KDM4C: variants seen among roughly 807,000 people sequenced by gnomAD.
KDM4C encodes the protein lysine-specific demethylase 4C.
Under a neutral mutation model 129.3 loss-of-function variants are expected in KDM4C, and 81 were observed. That is an observed-to-expected ratio of 0.63 (90% CI 0.52 to 0.75). KDM4C has a LOEUF of 0.75. KDM4C is among the 30% of genes least tolerant of loss of function. The pLI is 0.00. For synonymous variants in KDM4C, 573 were observed against 456.1 expected (o/e 1.26, Z -3.26); for missense variants, 1,457 against 1,304.0 (o/e 1.12, Z -1.81).
chr9:7,060,687 G>C (rs1366365692), intron 17 of KDM4C, among the ~76,000 whole-genome samples: 1 of 151,882 alleles, frequency 6.6e-6, no homozygotes, highest in Non-Finnish European at 1.5e-5. Context: ...TCACCATGTT[G>C]GCCAGGATGG....
intron 5 of KDM4C, among the ~76,000 whole-genome samples, chr9:6,854,980 G>A (rs769239319): frequency 1.3e-5 from 2 of 152,150 alleles, no homozygotes; most frequent in Non-Finnish European, 2.9e-5. Flanking sequence ...CACCCACCTT[G>A]TAAGGCAATT....
intron 1 of KDM4C, among the ~76,000 whole-genome samples, chr9:6,751,373 G>C (rs1563927917): frequency 3.3e-5 from 5 of 152,152 alleles, no homozygotes; most frequent in African/African-American, 9.7e-5. Flanking sequence ...TTGAGCCTGG[G>C]AGGTGGAGGT....
chr9:6,794,088 C>G (rs1169249872), intron 2 of KDM4C, among the ~76,000 whole-genome samples: 1 of 152,212 alleles, frequency 6.6e-6, no homozygotes, highest in African/African-American at 2.4e-5. Flanking sequence ...CTTATTCTCT[C>G]TCTACATTTG....
rs1267205724 is a variant in KDM4C at position 6,758,100 on chromosome 9, T to C, written c.-121T>C. The C allele has an allele frequency of 6.1e-6, 6 of 985,408 alleles. 1 individual carries two copies. In the African/African-American group the frequency reaches 1.0e-4, roughly 17 times the overall value. The allele number at this position is 985,408 out of a possible 1,614,324, so 61.0% of individuals were successfully genotyped here. On this transcript the variant is annotated 5_prime_UTR_variant, in exon 1 of 22. Transcript: ENST00000381309. This position sits in a 1 kb window ranked among gnomAD's most constrained non-coding sequence, Gnocchi z 4.6. ...TGCGCAGCGAACAGCTGTCACCTAG[T>C]GCGGAACAAGTCTCCCAAATTTCCC...
chr9:6,858,937 C>T (rs148697512), intron 5 of KDM4C, among the ~76,000 whole-genome samples: 1 of 151,496 alleles, frequency 6.6e-6, no homozygotes, highest in Non-Finnish European at 1.5e-5. Flanking sequence ...ATTTGTTATG[C>T]AAAAATTGTT....
intron 3 of KDM4C, among the ~76,000 whole-genome samples, chr9:6,806,906 C>G (rs1057413232): frequency 6.6e-6 from 1 of 151,716 alleles, no homozygotes; most frequent in African/African-American, 2.4e-5. Flanking sequence ...CTCTCCCTCT[C>G]CCTCTCCCTC....
rs562694725 is a variant in KDM4C, at chr9:7,060,868, A to G, written c.2424+11668A>G. Among the ~76,000 whole-genome samples, 90 of 152,214 alleles carry G rather than the reference A, an allele frequency of 5.9e-4. No homozygotes were observed. The South Asian group carries it at 9.5e-3, about 16-fold the overall frequency. On this transcript the variant is annotated intron_variant, in intron 17 of 21. Coordinates refer to ENST00000381309, the MANE Select transcript of KDM4C (RefSeq NM_015061.6). Reference sequence around the variant, plus strand: ...TTTAGATTGTTTAGAGATGGTTTACATTGTCAAGTCCTTCTGCAGGTTATA... The same window carrying G: ...TTTAGATTGTTTAGAGATGGTTTACGTTGTCAAGTCCTTCTGCAGGTTATA...
At chr9:7,139,495 A>C (rs1841532591) in intron 19 of KDM4C, among the ~76,000 whole-genome samples, 1 of 152,230 alleles carries the variant, frequency 6.6e-6, no homozygotes, top group African/African-American at 2.4e-5. Flanking sequence ...CTATAAGAGA[A>C]CTATGGAAAG....
At chr9:6,789,976 T>C (rs1826214307) in intron 1 of KDM4C, among the ~76,000 whole-genome samples, 1 of 151,794 alleles carries the variant, frequency 6.6e-6, no homozygotes. Flanking sequence ...AGATAGATGC[T>C]CATTTAAACT....
chr9:6,851,781 G>A (rs1406812778), intron 5 of KDM4C, among the ~76,000 whole-genome samples: 1 of 152,142 alleles, frequency 6.6e-6, no homozygotes, highest in Non-Finnish European at 1.5e-5. Flanking sequence ...GATCACTTCA[G>A]GAAGAATATT....
chr9:6,835,894 G>A (rs1254129027), intron 4 of KDM4C, among the ~76,000 whole-genome samples: 2 of 152,094 alleles, frequency 1.3e-5, no homozygotes, highest in Non-Finnish European at 2.9e-5. Context: ...AAAGCCACCC[G>A]ACTTGTGTCT....
chr9:7,034,036 G>A (rs115389614), intron 15 of KDM4C, among the ~76,000 whole-genome samples: 47 of 151,886 alleles, frequency 3.1e-4, no homozygotes, highest in African/African-American at 9.4e-4. Context: ...GTGGTGGTGG[G>A]GCATCAGTTG....
intron 1 of KDM4C, among the ~76,000 whole-genome samples, chr9:6,721,586 C>CTTT (rs59463106): frequency 7.9e-6 from 1 of 127,242 alleles, no homozygotes. Context: ...GCCCGGCCCT[C>CTTT]TTTTTTTTTT....
intron 12 of KDM4C, among the ~76,000 whole-genome samples, chr9:7,000,647 A>C (rs980423745): frequency 6.6e-6 from 1 of 152,216 alleles, no homozygotes. Context: ...TATATATGAA[A>C]TTGTCAATAT....
At chr9:7,158,161 C>A (rs1005293741) in intron 19 of KDM4C, among the ~76,000 whole-genome samples, 1 of 152,136 alleles carries the variant, frequency 6.6e-6, no homozygotes, top group Non-Finnish European at 1.5e-5. Context: ...TTATATTATT[C>A]TCTGATGGTA....
chr9:6,981,421 A>T (rs1340033401), intron 9 of KDM4C, among the ~76,000 whole-genome samples: 6 of 152,116 alleles, frequency 3.9e-5, no homozygotes, highest in Non-Finnish European at 5.9e-5. Context: ...CTTTCTGTGC[A>T]TTTCCATATT....
upstream of KDM4C, among the ~76,000 whole-genome samples, chr9:6,754,886 A>T (rs1183551619): frequency 8.5e-6 from 1 of 117,578 alleles, no homozygotes; most frequent in Non-Finnish European, 1.8e-5. Context: ...AAAGTAAAAA[A>T]AAAAAAAAAA....
At chr9:6,964,410 G>T (rs964512261) in intron 8 of KDM4C, among the ~76,000 whole-genome samples, 1 of 151,500 alleles carries the variant, frequency 6.6e-6, no homozygotes, top group African/African-American at 2.4e-5. Context: ...CGCTACAAAG[G>T]ACATGAACTC....
chr9:7,017,713 G>C (rs1036783866), intron 15 of KDM4C, among the ~76,000 whole-genome samples: 3 of 152,156 alleles, frequency 2.0e-5, no homozygotes, highest in Admixed American at 1.3e-4. Context: ...GATGATTTCA[G>C]CTGTAATAGC....
Sources: allele counts gnomAD v4.1 joint callset (sites outside exome capture counted in the v4.1 genomes callset), GRCh38; gene constraint gnomAD v4.1.1; non-coding constraint Gnocchi (gnomAD v3.1); transcripts MANE v1.5; gene names NCBI Gene and HGNC (gene_info 2026-07-23, HGNC 2026-07-21).